The following LRP2 variants were observed in gnomAD, a reference collection of about 807,000 sequenced individuals.
The protein encoded by LRP2 is low-density lipoprotein receptor-related protein 2.
A neutral mutation model predicts 531.0 loss-of-function variants in LRP2; 172 were observed. That is an observed-to-expected ratio of 0.32 (90% confidence interval 0.29 to 0.37). The LOEUF is 0.37. Among genes scored for constraint, LRP2 ranks in the 10% least tolerant of loss-of-function variants. The pLI is 1.00. For synonymous variants in LRP2, 1,992 were observed against 2,027.6 expected, an observed-to-expected ratio of 0.98 and a Z score of 0.47; for missense variants, 5,167 against 5,868.3, an observed-to-expected ratio of 0.88 and a Z score of 3.90.
intron 9 of LRP2, among the ~76,000 whole-genome samples, chr2:169,285,081 G>C (rs1442818963): frequency 2.6e-5 from 4 of 151,958 alleles, no homozygotes; most frequent in Non-Finnish European, 5.9e-5. Context: ...GGGTAAGGTG[G>C]GAGGATTGCT....
At chr2:169,168,324 C>T in intron 61 of LRP2, among the ~76,000 whole-genome samples, 1 of 151,948 alleles carries the variant, frequency 6.6e-6, no homozygotes. Flanking sequence ...TTTCTAAGGC[C>T]ATAATACATT....
At chr2:169,341,566 A>G (rs1045196441) in intron 1 of LRP2, among the ~76,000 whole-genome samples, 1 of 152,218 alleles carries the variant, frequency 6.6e-6, no homozygotes, top group Admixed American at 6.5e-5. Context: ...ACTGGCAGAA[A>G]TGTTTCCAGG....
rs1553487414 is a variant in LRP2, at chr2:169,160,685, A to AAAAAAAACAAAAAAAAAAAAAAC, written c.11887+1786_11887+1787insGTTTTTTTTTTTTTTGTTTTTTT. 5.8e-4 allele frequency among the ~76,000 whole-genome samples: 55 copies of AAAAAAAACAAAAAAAAAAAAAAC among 94,276 alleles called. 1 individual carries two copies. The highest frequency in any genetic ancestry group is 9.5e-4 in the African/African-American group (21 of 22,016). 61.8% of individuals were successfully genotyped at this position (94,276 alleles called of 152,430 possible). On this transcript the variant is annotated intron_variant, in intron 63 of 78. Coordinates refer to ENST00000649046, the MANE Select transcript of LRP2 (RefSeq NM_004525.3). The stretch of plus-strand genomic sequence containing the variant: ...TTGTTTGTGCTACTTATTTCCTTAA[A>AAAAAAAACAAAAAAAAAAAAAAC]AAAAAAAAAACCTGCTACTAATTAA...
At chr2:169,348,516 G>A (rs187741243) in intron 1 of LRP2, among the ~76,000 whole-genome samples, 1 of 152,294 alleles carries the variant, frequency 6.6e-6, no homozygotes, top group East Asian at 1.9e-4. Flanking sequence ...TCTTCAAAGA[G>A]GGCCTTTTGT....
intron 38 of LRP2, among the ~76,000 whole-genome samples, chr2:169,208,341 G>A (rs1030517714): frequency 2.0e-5 from 3 of 152,114 alleles, no homozygotes; most frequent in Non-Finnish European, 2.9e-5. Context: ...ATTCAGGAAC[G>A]GGAGTTAGGA....
intron 8 of LRP2, among the ~76,000 whole-genome samples, chr2:169,290,485 T>G (rs901356481): frequency 6.6e-6 from 1 of 152,086 alleles, no homozygotes; most frequent in African/African-American, 2.4e-5. Context: ...TTCCATCCAC[T>G]CTGGGTTTGG....
intron 18 of LRP2, 33 bp from the exon 19 acceptor site, chr2:169,256,269 C>G (rs557267218): frequency 2.5e-6 from 4 of 1,599,222 alleles, no homozygotes; most frequent in East Asian, 2.2e-5. Context: ...TATCTCTTAT[C>G]CAAAAACTAT....
chr2:169,139,424 G>C (rs1385584459), intron 73 of LRP2, 53 bp from the exon 74 acceptor site: 1 of 1,613,978 alleles, frequency 6.2e-7, no homozygotes, highest in African/African-American at 1.3e-5. Flanking sequence ...CCGCAATCCT[G>C]GCAGAAACTG....
intron 1 of LRP2, among the ~76,000 whole-genome samples, chr2:169,340,342 G>T (rs1389232523): frequency 1.3e-5 from 2 of 152,128 alleles, no homozygotes; most frequent in Admixed American, 1.3e-4. Context: ...CTTTGGCCAG[G>T]AGCAGTCATG....
At chr2:169,324,916 T>C (rs560157481) in intron 1 of LRP2, among the ~76,000 whole-genome samples, 3 of 152,288 alleles carry the variant, frequency 2.0e-5, no homozygotes, top group South Asian at 2.1e-4. Flanking sequence ...CTCAGCCTGC[T>C]GAGACCATTA....
intron 62 of LRP2, 30 bp downstream of exon 62, chr2:169,165,902 T>G: frequency 1.2e-6 from 2 of 1,613,484 alleles, no homozygotes; most frequent in Non-Finnish European, 1.7e-6. Flanking sequence ...GGTCCTTCCT[T>G]TTTCCTTCTC....
At position 169,204,204 on chromosome 2, in the gene LRP2, C is replaced by G; in HGVS notation, c.7783G>C (p.Ala2595Pro). Reference sequence around the variant, plus strand: ...TGGCCATAGAGAGTCAAGCCAAAAGCATGAACGGCTGCATTGACAATGACT... The same window carrying G: ...TGGCCATAGAGAGTCAAGCCAAAAGGATGAACGGCTGCATTGACAATGACT... ...REVIVNAAVHAFGLTLYGQYI... is the reference protein window; with the variant it reads ...REVIVNAAVHPFGLTLYGQYI... Residue 2595 changes from alanine to proline, a missense_variant, in exon 42 of 79, where the codon GCT (alanine) becomes CCT (proline). Physicochemically the swap from Ala to Pro is conservative, Grantham distance 27. Around this residue, in one of 6 missense-constraint regions of LRP2, gnomAD observed 1,129 missense variants for 1,362.7 expected, o/e 0.83. Coordinates refer to ENST00000649046, the MANE Select transcript of LRP2 (RefSeq NM_004525.3). The G allele has an allele frequency of 6.2e-7, 1 of 1,614,144 alleles. No homozygotes were observed.
intron 68 of LRP2, among the ~76,000 whole-genome samples, chr2:169,148,243 G>A (rs563022124): frequency 1.8e-4 from 27 of 152,324 alleles, no homozygotes; most frequent in Non-Finnish European, 3.2e-4. Flanking sequence ...GATTCCATTT[G>A]TAGGAAATGT....
intron 57 of LRP2, 121 bp downstream of exon 57, chr2:169,172,975 T>C (rs1687058263): frequency 7.4e-7 from 1 of 1,359,112 alleles, no homozygotes; most frequent in Non-Finnish European, 1.0e-6. Context: ...AACCATTTTT[T>C]TACAGAGGTA....
chr2:169,217,078 A>T (rs1688825196), intron 34 of LRP2, among the ~76,000 whole-genome samples: 1 of 152,172 alleles, frequency 6.6e-6, no homozygotes, highest in Non-Finnish European at 1.5e-5. Flanking sequence ...ATTACCACAC[A>T]GCATTGCCAA....
At chr2:169,134,032 C>T (rs1685392959) in intron 76 of LRP2, among the ~76,000 whole-genome samples, 1 of 152,166 alleles carries the variant, frequency 6.6e-6, no homozygotes, top group Non-Finnish European at 1.5e-5. Flanking sequence ...TGACTAATCT[C>T]CCAAACCTCA....
rs747080240 is a variant in LRP2 at position 169,362,378 on chromosome 2, C to T, written c.22G>A (p.Val8Met). MDRGPAA[V>M]ACTLLLALVA... is the part of the protein sequence containing the mutation. ...AGAGCCAGGAGCAGCGTGCACGCCA[C>T]TGCTGCCGGCCCGCGATCCATCTCC... The change falls in exon 1 of 79, where the codon GTG becomes ATG. Residue 8 changes from valine to methionine, a missense_variant. By Grantham distance (21) the Val-to-Met change is conservative. Transcript: ENST00000649046. The T allele has an allele frequency of 5.1e-6, 8 of 1,567,830 alleles. No individual in the cohort carries two copies. Among genetic ancestry groups the T allele is most frequent in the African/African-American group, 4.1e-5 (3 of 73,738 alleles).
rs186129604 is a variant in LRP2 at position 169,186,090 on chromosome 2, A to T, written c.9329-71T>A. On this transcript the variant is annotated intron_variant, in intron 49 of 78. Coordinates refer to ENST00000649046, the MANE Select transcript of LRP2 (RefSeq NM_004525.3). ...CAACTCACTATAATGGTTCAAAGTC[A>T]ACATTTCTACTAAACAGTGCCAATT... 81 of 1,374,126 alleles carry T rather than the reference A, an allele frequency of 5.9e-5. No homozygotes were observed. In the East Asian group the frequency reaches 1.8e-3, roughly 31 times the overall value. The allele number at this position is 1,374,126 out of a possible 1,614,324, so 85.1% of individuals were successfully genotyped here. A position where few individuals can be genotyped will look rare whatever the true frequency, so the allele number is the denominator to read the frequency against.
chr2:169,215,090 T>C (rs1688730454), intron 35 of LRP2, among the ~76,000 whole-genome samples: 1 of 152,202 alleles, frequency 6.6e-6, no homozygotes, highest in Non-Finnish European at 1.5e-5. Flanking sequence ...TTCCTCGTCA[T>C]TGCACACATG....
Sources: gnomAD v4.1 joint callset for allele counts (sites outside exome capture counted in the v4.1 genomes callset) on GRCh38, gnomAD v4.1.1 for gene constraint, gnomAD v4.1.1 regional missense constraint, MANE v1.5 for transcripts, NCBI Gene and HGNC (gene_info 2026-07-23, HGNC 2026-07-21) for gene names.